Variants in TAS2R30 observed in about 807,000 individuals in gnomAD.
TAS2R30 encodes the protein taste receptor type 2 member 30.
For synonymous variants in TAS2R30, 141 were observed against 131.6 expected, an observed-to-expected ratio of 1.07 and a Z score of -0.49; for missense variants, 395 against 371.6, an observed-to-expected ratio of 1.06 and a Z score of -0.52.
rs79264600 is a variant in TAS2R30 at position 11,133,701 on chromosome 12, G to T, written c.544C>A (p.Leu182Ile). ...AGAGTGAGGGGTACAAAGTTTGCTAGCATGGTTAGAGTCATATTTGAATGG... is the reference window on the plus strand; with the variant it reads ...AGAGTGAGGGGTACAAAGTTTGCTATCATGGTTAGAGTCATATTTGAATGG... Residue 182 changes from leucine to isoleucine, a missense_variant, in exon 1 of 1, where the codon CTA becomes ATA. Physicochemically the swap from Leu to Ile is conservative, Grantham distance 5 (BLOSUM62 2). Coordinates refer to ENST00000539585, the Ensembl canonical transcript of TAS2R30. 3,867 of 1,614,214 alleles carry T rather than the reference G, an allele frequency of 2.4e-3. 3 individuals are homozygous for T. Among genetic ancestry groups the T allele is most frequent in the Admixed American group, 3.0e-3 (181 of 60,036 alleles).
At chr12:11,133,952 A>C (rs1946465936) in exon 1 of TAS2R30, 1 of 1,614,040 alleles carries the variant, frequency 6.2e-7, no homozygotes, top group African/African-American at 1.3e-5. Flanking sequence ...GCTAGTAGCA[A>C]GCCAGCTGCT....
exon 1 of TAS2R30, chr12:11,134,390 T>C: frequency 9.5e-7 from 1 of 1,056,616 alleles, no homozygotes; most frequent in Non-Finnish European, 1.3e-6. Context: ...CTGTGACCAG[T>C]GTCAAGTCAG....
chr12:11,133,901 T>A (rs1375119931), exon 1 of TAS2R30: 1 of 1,614,010 alleles, frequency 6.2e-7, no homozygotes, highest in East Asian at 2.2e-5. Context: ...AAAAATAAGG[T>A]TGGAGAAATT....
chr12:11,133,427 G>T, the TAS2R30 span: 1 of 1,613,974 alleles, frequency 6.2e-7, no homozygotes, highest in Non-Finnish European at 8.5e-7. Flanking sequence ...TGGGTGGGTT[G>T]AAGGATAGCT....
exon 1 of TAS2R30, chr12:11,133,371 A>G (rs1480996394): frequency 6.2e-7 from 1 of 1,613,934 alleles, no homozygotes. Flanking sequence ...CGCAAAACTG[A>G]AAGAAAAATC....
exon 1 of TAS2R30, chr12:11,134,234 A>G: frequency 6.2e-7 from 1 of 1,612,822 alleles, no homozygotes; most frequent in Non-Finnish European, 8.5e-7. Context: ...GATGGGCAGA[A>G]AAGTTATCAT....
chr12:11,133,832 A>T lies in TAS2R30; in HGVS notation c.413T>A (p.Leu138Gln), dbSNP rs762589095. The change falls in exon 1 of 1, where the codon CTA becomes CAA. Residue 138 changes from leucine to glutamine, a missense_variant. Physicochemically the swap from Leu to Gln is moderately radical, Grantham distance 113 (BLOSUM62 -2). Coordinates refer to ENST00000539585, the Ensembl canonical transcript of TAS2R30. Reference sequence around the variant, plus strand: ...CACAAAAAGATGACAAACCAAAAATAGCAAAGGCCCCAACAGTATCACCAG... The same window carrying T: ...CACAAAAAGATGACAAACCAAAAATTGCAAAGGCCCCAACAGTATCACCAG... 6 of 1,614,066 alleles carry T rather than the reference A, an allele frequency of 3.7e-6. No individual in the cohort carries two copies. The Admixed American group carries it at 6.7e-5, about 18-fold the overall frequency.
exon 1 of TAS2R30, chr12:11,133,303 C>T (rs2597925): frequency 2.5e-6 from 4 of 1,611,344 alleles, no homozygotes; most frequent in Non-Finnish European, 3.4e-6. Flanking sequence ...CACACAATGC[C>T]CCTCTTGTGA....
the TAS2R30 span, chr12:11,133,393 CTT>C: frequency 3.1e-6 from 5 of 1,613,844 alleles, no homozygotes; most frequent in African/African-American, 6.7e-5. Context: ...GCTTTAGCTT[CTT>C]GTTTCCCAAA....
chr12:11,133,886 C>A (rs115417468), exon 1 of TAS2R30: 1 of 1,614,032 alleles, frequency 6.2e-7, no homozygotes, highest in South Asian at 1.1e-5. Context: ...CCTCTTTATG[C>A]GAAGAAAAAT....
At chr12:11,133,703 A>G in exon 1 of TAS2R30, 1 of 1,614,236 alleles carries the variant, frequency 6.2e-7, no homozygotes, top group Non-Finnish European at 8.5e-7. Context: ...GTTTGCTAGC[A>G]TGGTTAGAGT....
chr12:11,134,113 A>C, exon 1 of TAS2R30: 1 of 1,614,188 alleles, frequency 6.2e-7, no homozygotes, highest in Non-Finnish European at 8.5e-7. Flanking sequence ...GAATTTGGTC[A>C]ACAAAGGAGA....
exon 1 of TAS2R30, chr12:11,133,879 C>G (rs748509050): frequency 2.2e-5 from 35 of 1,614,040 alleles, no homozygotes; most frequent in Non-Finnish European, 2.9e-5. Context: ...TAACTCTCCT[C>G]TTTATGCGAA....
the TAS2R30 span, chr12:11,133,629 GA>G: frequency 6.2e-7 from 1 of 1,614,280 alleles, no homozygotes; most frequent in East Asian, 2.2e-5. Flanking sequence ...ATCTTCTTGA[GA>G]TGTTTACACA....
chr12:11,133,031 AG>A, exon 1 of TAS2R30: 1 of 404,042 alleles, frequency 2.5e-6, no homozygotes, highest in South Asian at 9.5e-5. Context: ...TTCATAATTG[AG>A]GAATTTTTGT....
chr12:11,134,289 C>T, exon 1 of TAS2R30: 1 of 1,511,240 alleles, frequency 6.6e-7, no homozygotes, highest in Middle Eastern at 1.8e-4. Context: ...GGTGTAATAT[C>T]ACTGGTTGTG....
rs374458254 is a variant in TAS2R30 at position 11,134,090 on chromosome 12, G to T, written c.155C>A (p.Ala52Glu). ...CCAGAGCAAACCAACTCTGGAGACC[G>T]CCAGAGCAGTGAGAATTTGGTCAAC... Residue 52 changes from alanine (A) to glutamate (E), a missense_variant, in exon 1 of 1, where the codon GCG becomes GAG. Coordinates refer to ENST00000539585, the Ensembl canonical transcript of TAS2R30. 4 of 1,614,082 alleles carry T rather than the reference G, an allele frequency of 2.5e-6. No homozygotes were observed. The East Asian group carries it at 8.9e-5, about 36-fold the overall frequency.
chr12:11,134,267 T>G (rs757002501), exon 1 of TAS2R30: 1 of 1,589,584 alleles, frequency 6.3e-7, no homozygotes, highest in South Asian at 1.1e-5. Flanking sequence ...AAAAAGAAAT[T>G]TTTAAAATGC....
At position 11,133,390 on chromosome 12, in the gene TAS2R30, C is replaced by T. The variant is rs1946432672; in HGVS notation, c.855G>A (p.Lys285=). 4 of 1,613,930 alleles carry T rather than the reference C, an allele frequency of 2.5e-6. No homozygotes were observed. In the African/African-American group the frequency reaches 5.3e-5, roughly 22 times the overall value. Residue 285 remains lysine, a synonymous_variant, in exon 1 of 1, where the codon AAG becomes AAA. Transcript: ENST00000539585. Reference sequence around the variant, plus strand: ...AAACTGAAAGAAAAATCTGCTTTAGCTTCTTGTTTCCCAAAATCAGGATGA... The same window carrying T: ...AAACTGAAAGAAAAATCTGCTTTAGTTTCTTGTTTCCCAAAATCAGGATGA...
Sources: allele counts gnomAD v4.1 joint callset, GRCh38; gene constraint gnomAD v4.1.1; transcripts MANE v1.5; gene names NCBI Gene and HGNC (gene_info 2026-07-23, HGNC 2026-07-21).